The following NHSL2 variants were observed in gnomAD, a reference collection of about 807,000 sequenced individuals.
The protein encoded by NHSL2 is NHS-like protein 2.
Under a neutral mutation model 53.4 loss-of-function variants are expected in NHSL2, and 27 were observed. The ratio of observed to expected loss-of-function variants is 0.51; its 90% CI spans 0.37 to 0.70. The LOEUF is 0.70. Ranked by LOEUF, NHSL2 falls within the 30% of genes least tolerant of loss-of-function variation. NHSL2 has a pLI of 0.00. For synonymous variants in NHSL2, 408 were observed against 404.1 expected (o/e 1.01, Z -0.12); for missense variants, 892 against 980.1 (o/e 0.91, Z 1.20).
intron 1 of NHSL2, among the ~76,000 whole-genome samples, chrX:72,036,594 C>T (rs1031811741): frequency 3.6e-5 from 4 of 111,937 alleles, no homozygotes; most frequent in Non-Finnish European, 7.5e-5. Flanking sequence ...TTTCTCCTCT[C>T]CTTCTGAGGC....
At chrX:72,122,313 G>C (rs1441410523) in intron 1 of NHSL2, among the ~76,000 whole-genome samples, 1 of 112,177 alleles carries the variant, frequency 8.9e-6, no homozygotes, top group Non-Finnish European at 1.9e-5. Flanking sequence ...TTGCATGTTA[G>C]TGCTGTGACA....
intron 1 of NHSL2, among the ~76,000 whole-genome samples, chrX:72,007,790 CG>C (rs1345784796): frequency 8.8e-6 from 1 of 113,278 alleles, no homozygotes; most frequent in African/African-American, 3.2e-5. Flanking sequence ...CCTTGATGAG[CG>C]GGCCAGGACC....
intron 1 of NHSL2, among the ~76,000 whole-genome samples, chrX:72,045,233 T>C (rs1372296392): frequency 1.8e-5 from 2 of 112,331 alleles, no homozygotes; most frequent in East Asian, 5.6e-4. Context: ...TACAGATGAC[T>C]GTACTTGGGG....
At chrX:71,929,036 A>G (rs1312537073) in intron 1 of NHSL2, among the ~76,000 whole-genome samples, 2 of 111,621 alleles carry the variant, frequency 1.8e-5, no homozygotes, top group Non-Finnish European at 3.8e-5. Context: ...AGTCTTAAAC[A>G]TGAGGTTTGG....
At chrX:72,074,348 G>A (rs1307482155) in intron 1 of NHSL2, among the ~76,000 whole-genome samples, 1 of 112,683 alleles carries the variant, frequency 8.9e-6, no homozygotes, top group African/African-American at 3.2e-5. Flanking sequence ...AAATGGCAGA[G>A]ACTTATAAGG....
intron 1 of NHSL2, among the ~76,000 whole-genome samples, chrX:72,085,315 A>G (rs1326259866): frequency 1.8e-5 from 2 of 112,644 alleles, no homozygotes; most frequent in Non-Finnish European, 3.7e-5. Flanking sequence ...CCTGCAAGAT[A>G]GCAAAATAAG....
chrX:71,996,003 G>A (rs770091144), intron 1 of NHSL2, among the ~76,000 whole-genome samples: 7 of 112,296 alleles, frequency 6.2e-5, no homozygotes, highest in Non-Finnish European at 9.4e-5. Context: ...AACAGATCAC[G>A]TAGGGGAAGG....
At chrX:71,966,365 C>T (rs1038037920) in intron 1 of NHSL2, among the ~76,000 whole-genome samples, 20 of 111,902 alleles carry the variant, frequency 1.8e-4, no homozygotes, top group Admixed American at 1.4e-3. Context: ...AGGGGACATC[C>T]TTGCCTTGTT....
intron 1 of NHSL2, among the ~76,000 whole-genome samples, chrX:71,948,701 G>T (rs1023599651): frequency 1.8e-5 from 2 of 109,312 alleles, no homozygotes; most frequent in African/African-American, 6.7e-5. Flanking sequence ...ATGGAGGCAC[G>T]CACCTGTAGT....
intron 1 of NHSL2, among the ~76,000 whole-genome samples, chrX:72,007,645 C>A (rs960689463): frequency 1.8e-5 from 2 of 113,255 alleles, no homozygotes; most frequent in African/African-American, 3.2e-5. Context: ...ATCTTTACTG[C>A]AACTCTGTGA....
chrX:72,081,524 A>G (rs981057377), intron 1 of NHSL2, among the ~76,000 whole-genome samples: 1 of 111,107 alleles, frequency 9.0e-6, no homozygotes, highest in Non-Finnish European at 1.9e-5. Context: ...CACCCCCCTG[A>G]CCTCCACCTT....
chrX:71,926,537 C>T (rs1602262450), intron 1 of NHSL2, among the ~76,000 whole-genome samples: 4 of 110,607 alleles, frequency 3.6e-5, no homozygotes, highest in South Asian at 4.0e-4. Context: ...AACCTGCTCT[C>T]GGGGGTTTTA....
chrX:71,952,704 G>A (rs1016143511), intron 1 of NHSL2, among the ~76,000 whole-genome samples: 6 of 110,480 alleles, frequency 5.4e-5, no homozygotes, highest in Non-Finnish European at 9.5e-5. Context: ...TCCAACATAC[G>A]AATTTTGGGG....
At chrX:72,024,947 A>G (rs943870165) in intron 1 of NHSL2, among the ~76,000 whole-genome samples, 1 of 112,480 alleles carries the variant, frequency 8.9e-6, no homozygotes, top group Non-Finnish European at 1.9e-5. Flanking sequence ...ATACATTGTT[A>G]TTAACTATAG....
At chrX:71,964,000 C>CATATATGTGTATATATATATACATATAT (rs2041884281) in intron 1 of NHSL2, among the ~76,000 whole-genome samples, 3 of 31,439 alleles carry the variant, frequency 9.5e-5, no homozygotes, top group Non-Finnish European at 1.6e-4. Context: ...TATGTATATA[C>CATATATGTGTATATATATATACATATAT]ATATATATAT....
chrX:71,932,836 A>T (rs892291202), intron 1 of NHSL2, among the ~76,000 whole-genome samples: 1 of 112,903 alleles, frequency 8.9e-6, no homozygotes, highest in Non-Finnish European at 1.9e-5. Context: ...GCAGATGAGG[A>T]AACTGAGTAC....
At chrX:72,069,248 G>A (rs1162716012) in intron 1 of NHSL2, among the ~76,000 whole-genome samples, 1 of 111,555 alleles carries the variant, frequency 9.0e-6, no homozygotes, top group African/African-American at 3.3e-5. Flanking sequence ...CGGTGAGGGC[G>A]GGCGAGTCGG....
rs1851849266 is a variant in NHSL2 at position 72,059,928 on chromosome X, A to G, written c.281-72151A>G. Among the ~76,000 whole-genome samples, 2 of 112,081 alleles carry G rather than the reference A, an allele frequency of 1.8e-5. 1 individual carries two copies. Among genetic ancestry groups the G allele is most frequent in the South Asian group, 7.4e-4 (2 of 2,706 alleles). ...TTTAGAGATGAAAAAACTGAGGGCC[A>G]GGGTTCTATCAGCGGTTATGAAGCT... On this transcript the variant is annotated intron_variant, in intron 1 of 7. Transcript: ENST00000633930.
chrX:72,049,933 A>G (rs2042330153), intron 1 of NHSL2, among the ~76,000 whole-genome samples: 1 of 102,753 alleles, frequency 9.7e-6, no homozygotes, highest in South Asian at 4.8e-4. Flanking sequence ...ACAATTCACA[A>G]AACAAGCATA....
Sources: allele counts gnomAD v4.1 joint callset (sites outside exome capture counted in the v4.1 genomes callset), GRCh38; gene constraint gnomAD v4.1.1; transcripts MANE v1.5; gene names NCBI Gene and HGNC (gene_info 2026-07-23, HGNC 2026-07-21).